The following RICTOR variants were observed in gnomAD, a reference collection of about 807,000 sequenced individuals.
RICTOR encodes the protein RPTOR independent companion of MTOR complex 2, also known as rapamycin-insensitive companion of mTOR.
RICTOR carries 49 observed loss-of-function variants against 214.9 expected under a neutral mutation model. The ratio of observed to expected loss-of-function variants is 0.23; its 90% CI spans 0.18 to 0.29. RICTOR has a LOEUF of 0.29. Ranked by LOEUF, RICTOR falls within the 10% of genes least tolerant of loss-of-function variation. The pLI, the probability that RICTOR is intolerant of heterozygous loss-of-function variation, is 1.00. For missense variants in RICTOR, 1,625 were observed against 2,047.0 expected (o/e 0.79, Z 3.98); for synonymous variants, 717 against 711.3 (o/e 1.01, Z -0.13).
At chr5:38,954,112 T>C (rs1212061018) in intron 27 of RICTOR, among the ~76,000 whole-genome samples, 1 of 151,878 alleles carries the variant, frequency 6.6e-6, no homozygotes, top group African/African-American at 2.4e-5. Context: ...AACTTTGTGC[T>C]CTTGAGATGA....
At chr5:38,973,632 CTCTT>C (rs1750966742) in intron 10 of RICTOR, among the ~76,000 whole-genome samples, 1 of 152,132 alleles carries the variant, frequency 6.6e-6, no homozygotes. Context: ...TCTCTATGTT[CTCTT>C]TAGATTCAGG....
At chr5:39,000,228 T>C (rs912297440) in intron 5 of RICTOR, among the ~76,000 whole-genome samples, 3 of 151,816 alleles carry the variant, frequency 2.0e-5, no homozygotes, top group African/African-American at 7.2e-5. Context: ...TGAATTATAA[T>C]CATGTAGGAC....
At chr5:38,967,920 T>G in intron 12 of RICTOR, 23 bp downstream of exon 12, 2 of 1,203,044 alleles carry the variant, frequency 1.7e-6, no homozygotes, top group Non-Finnish European at 2.4e-6. Context: ...TATGAAAAGA[T>G]ACAAATGTAC....
chr5:38,953,190 G>C lies in RICTOR; in HGVS notation c.2791-99C>G. On this transcript the variant is annotated intron_variant, in intron 28 of 37. Transcript: ENST00000357387. ...CAAATTTAACCTCATCTCTGAGAGA[G>C]AAAAAATGTAAAAGCCTCCTCAAGT... 13 of 807,618 alleles carry C rather than the reference G, an allele frequency of 1.6e-5. No homozygotes were observed. The South Asian group carries it at 2.3e-4, about 14-fold the overall frequency. 50.0% of individuals were successfully genotyped at this position (807,618 alleles called of 1,614,324 possible).
At chr5:39,037,443 C>G (rs1392228041) in intron 2 of RICTOR, among the ~76,000 whole-genome samples, 3 of 151,884 alleles carry the variant, frequency 2.0e-5, no homozygotes, top group Non-Finnish European at 4.4e-5. Context: ...CAAAAGCTAG[C>G]AGAAGGCAAG....
At chr5:38,943,535 T>G (rs1318733839) in intron 36 of RICTOR, among the ~76,000 whole-genome samples, 1 of 152,094 alleles carries the variant, frequency 6.6e-6, no homozygotes, top group African/African-American at 2.4e-5. Flanking sequence ...TACAGCTGGC[T>G]GGGCACGGTG....
chr5:39,025,552 A>G (rs1755748022), intron 2 of RICTOR, among the ~76,000 whole-genome samples: 1 of 152,342 alleles, frequency 6.6e-6, no homozygotes, highest in East Asian at 1.9e-4. Flanking sequence ...TGGAGACCGA[A>G]TGGCTTATTA....
At chr5:38,958,263 GT>G (rs1283468431) in intron 24 of RICTOR, among the ~76,000 whole-genome samples, 179 bp downstream of exon 24, 2 of 151,580 alleles carry the variant, frequency 1.3e-5, no homozygotes, top group East Asian at 3.9e-4. Context: ...GTCATGAAAA[GT>G]ATGAACAGAC....
intron 2 of RICTOR, among the ~76,000 whole-genome samples, chr5:39,073,016 C>T (rs1021840970): frequency 2.0e-5 from 3 of 152,252 alleles, no homozygotes; most frequent in African/African-American, 7.2e-5. Context: ...TATGCTTTCA[C>T]TCTAGCCGTT....
At chr5:39,020,886 T>A (rs889625708) in intron 3 of RICTOR, among the ~76,000 whole-genome samples, 153 bp downstream of exon 3, 17 of 152,220 alleles carry the variant, frequency 1.1e-4, no homozygotes, top group African/African-American at 4.1e-4. Context: ...ATTTTTAAGA[T>A]ACACTGGACA....
intron 2 of RICTOR, among the ~76,000 whole-genome samples, chr5:39,031,817 C>A (rs1756295496): frequency 1.3e-5 from 2 of 152,134 alleles, no homozygotes; most frequent in Non-Finnish European, 2.9e-5. Context: ...TTAATATCAT[C>A]TATGATTATT....
At chr5:39,019,259 C>G (rs139289252) in intron 3 of RICTOR, among the ~76,000 whole-genome samples, 1 of 152,122 alleles carries the variant, frequency 6.6e-6, no homozygotes, top group African/African-American at 2.4e-5. Context: ...GATCACTGAC[C>G]AAGGTAGCTA....
At chr5:38,994,802 C>T (rs1753061171) in intron 6 of RICTOR, among the ~76,000 whole-genome samples, 1 of 151,958 alleles carries the variant, frequency 6.6e-6, no homozygotes, top group African/African-American at 2.4e-5. Context: ...CTAAAATATC[C>T]AAAATTGAAT....
chr5:38,974,348 T>C (rs1464303877), intron 10 of RICTOR, among the ~76,000 whole-genome samples: 1 of 151,814 alleles, frequency 6.6e-6, no homozygotes, highest in Non-Finnish European at 1.5e-5. Context: ...TTTCTAATGA[T>C]GAATCATTAT....
intron 27 of RICTOR, among the ~76,000 whole-genome samples, chr5:38,953,899 G>C (rs1268904270): frequency 6.6e-6 from 1 of 151,724 alleles, no homozygotes; most frequent in Non-Finnish European, 1.5e-5. Flanking sequence ...TTGGCACTTA[G>C]TATTACTAAA....
rs1037311217 is a variant in RICTOR, at chr5:39,016,462, G to C, written c.195+4577C>G. Reference sequence around the variant, plus strand: ...GATGAGAAGGAGAAAGGGCAGAAGAGAGTGGGGGAGCACAAATCAAGAAAG... The same window carrying C: ...GATGAGAAGGAGAAAGGGCAGAAGACAGTGGGGGAGCACAAATCAAGAAAG... On this transcript the variant is annotated intron_variant, in intron 3 of 37. Coordinates refer to ENST00000357387, the MANE Select transcript of RICTOR (RefSeq NM_152756.5). Among the ~76,000 whole-genome samples, 6 of 152,010 alleles carry C rather than the reference G, an allele frequency of 3.9e-5. No homozygotes were observed. In the South Asian group the frequency reaches 1.3e-3, roughly 32 times the overall value.
chr5:39,002,847 G>T (rs940250673), intron 4 of RICTOR, among the ~76,000 whole-genome samples, 181 bp from the exon 5 acceptor site: 1 of 151,952 alleles, frequency 6.6e-6, no homozygotes, highest in Non-Finnish European at 1.5e-5. Context: ...ACTTAGTGTT[G>T]TTTTTTTAAA....
intron 2 of RICTOR, among the ~76,000 whole-genome samples, chr5:39,039,452 C>A (rs1328909673): frequency 6.6e-6 from 1 of 152,036 alleles, no homozygotes; most frequent in Non-Finnish European, 1.5e-5. Flanking sequence ...CAACAAAAGC[C>A]AAAATTGACA....
At position 38,940,890 on chromosome 5, in the gene RICTOR, T is replaced by C. The variant is rs528177561; in HGVS notation, c.*1414A>G. ...TCATGGGAAAATATTAATGTTGCTATGACTGTGTCAAAACTGATGTGTAAT... is the reference window on the plus strand; with the variant it reads ...TCATGGGAAAATATTAATGTTGCTACGACTGTGTCAAAACTGATGTGTAAT... On this transcript the variant is annotated 3_prime_UTR_variant, in exon 38 of 38. Transcript: ENST00000357387. 4.3e-6 allele frequency: 1 copy of C among 232,424 alleles called. No homozygotes were observed. The highest frequency in any genetic ancestry group is 8.5e-6 in the Non-Finnish European group (1 of 117,532). The allele number at this position is 232,424 out of a possible 1,614,324, so 14.4% of individuals were successfully genotyped here. A position where few individuals can be genotyped will look rare whatever the true frequency, so the allele number is the denominator to read the frequency against.
Sources: allele counts gnomAD v4.1 joint callset (sites outside exome capture counted in the v4.1 genomes callset), GRCh38; gene constraint gnomAD v4.1.1; transcripts MANE v1.5; gene names NCBI Gene and HGNC (gene_info 2026-07-23, HGNC 2026-07-21).